The following UTP25 variants were observed in gnomAD, a reference collection of about 807,000 sequenced individuals.
UTP25 encodes UTP25 small subunit processome component, also known as U3 small nucleolar RNA-associated protein 25 homolog.
A neutral mutation model predicts 78.9 loss-of-function variants in UTP25; 50 were observed. That is an observed-to-expected ratio of 0.63 (90% CI 0.50 to 0.80). The LOEUF is 0.80. Among genes scored for constraint, UTP25 ranks in the 30% least tolerant of loss-of-function variants. UTP25 has a pLI of 0.00. For missense variants in UTP25, 846 were observed against 911.3 expected (o/e 0.93, Z 0.92); for synonymous variants, 329 against 336.5 (o/e 0.98, Z 0.24).
Position 209,842,131 on chromosome 1 carries a change from T to C in UTP25, c.1486-134T>C. 6.5e-6 allele frequency: 6 copies of C among 924,590 alleles called. No homozygotes were observed. In the South Asian group the frequency reaches 6.6e-5, roughly 10 times the overall value. 57.3% of individuals were successfully genotyped at this position (924,590 alleles called of 1,614,324 possible). A position where few individuals can be genotyped will look rare whatever the true frequency, so the allele number is the denominator to read the frequency against. Reference sequence around the variant, plus strand: ...TGACCATGGGCAAGTCACTCACCCATGTGAGCCTCAGTTTTCTTGTTATAA... The same window carrying C: ...TGACCATGGGCAAGTCACTCACCCACGTGAGCCTCAGTTTTCTTGTTATAA... On this transcript the variant is annotated intron_variant, in intron 8 of 11. Transcript: ENST00000491415.
intron 11 of UTP25, chr1:209,844,036 GT>G (rs1000564380): frequency 2.6e-5 from 6 of 232,076 alleles, no homozygotes; most frequent in Non-Finnish European, 8.5e-6. Flanking sequence ...ATTCACTTGA[GT>G]TGTCCCTGTC....
intron 8 of UTP25, among the ~76,000 whole-genome samples, chr1:209,841,641 T>C (rs143739630): frequency 6.6e-5 from 10 of 152,322 alleles, no homozygotes; most frequent in African/African-American, 2.4e-4. Flanking sequence ...TTAGGAACTA[T>C]AGGTTTATTT....
chr1:209,828,611 C>T (rs2078084212), intron 1 of UTP25, among the ~76,000 whole-genome samples: 2 of 149,980 alleles, frequency 1.3e-5, no homozygotes, highest in African/African-American at 2.5e-5. Context: ...ACCATGTTGG[C>T]CAGGCTGGTC....
At chr1:209,829,593 C>T (rs900064179) in intron 1 of UTP25, among the ~76,000 whole-genome samples, 22 of 151,946 alleles carry the variant, frequency 1.4e-4, no homozygotes, top group Non-Finnish European at 2.8e-4. Flanking sequence ...AAGCGGTCCT[C>T]CTGCCTCAGC....
chr1:209,835,055 A>G lies in UTP25; in HGVS notation c.563-20A>G, dbSNP rs1197536970. 5 of 1,605,314 alleles carry G rather than the reference A, an allele frequency of 3.1e-6. No individual in the cohort carries two copies. Among genetic ancestry groups the G allele is most frequent in the African/African-American group, 1.3e-5 (1 of 74,718 alleles). On this transcript the variant is annotated intron_variant, in intron 4 of 11. Coordinates refer to ENST00000491415, the MANE Select transcript of UTP25 (RefSeq NM_014388.7). ...CTCTGTAGTTGCATAGTGTGCTGAC[A>G]TTTTTTATTTCTGAATTAGATCCAT...
rs1358603679 is a variant in UTP25 at position 209,852,645 on chromosome 1, A to G, written c.*1198A>G. 6 of 152,126 alleles carry G rather than the reference A, an allele frequency of 3.9e-5. No homozygotes were observed. The highest frequency in any genetic ancestry group is 5.9e-5 in the Non-Finnish European group (4 of 68,024). The allele number at this position is 152,126 out of a possible 1,614,324, so 9.4% of individuals were successfully genotyped here. On this transcript the variant is annotated 3_prime_UTR_variant, in exon 12 of 12. Coordinates refer to ENST00000491415, the MANE Select transcript of UTP25 (RefSeq NM_014388.7). ...TTGGGCACTGCTGTATTTTTTGACA[A>G]TGAGACATTCCAGGTTTCTCTACTC... is the stretch of plus-strand genomic sequence containing the variant.
rs564162182 is a variant in UTP25, at chr1:209,842,562, G to A, written c.1669-21G>A. On this transcript the variant is annotated intron_variant, in intron 9 of 11. Coordinates refer to ENST00000491415, the MANE Select transcript of UTP25 (RefSeq NM_014388.7). ...AGAAGGGGATGGCTGTCCACCTAAC[G>A]CTCTTGTTGACTACTGGCAGGTGGC... is the stretch of plus-strand genomic sequence containing the variant. 6.8e-6 allele frequency: 11 copies of A among 1,612,612 alleles called. No individual in the cohort carries two copies. In the East Asian group the frequency reaches 1.8e-4, roughly 26 times the overall value.
chr1:209,848,696 C>G (rs988826301), intron 11 of UTP25, among the ~76,000 whole-genome samples: 1 of 152,160 alleles, frequency 6.6e-6, no homozygotes, highest in Non-Finnish European at 1.5e-5. Context: ...AATTTATGCT[C>G]CATTCACCTA....
Position 209,851,227 on chromosome 1 carries a change from A to G in UTP25, c.2051A>G (p.Asn684Ser), listed in dbSNP as rs2078235791. The G allele has an allele frequency of 6.2e-7, 1 of 1,613,484 alleles. No homozygotes were observed. Among genetic ancestry groups the G allele is most frequent in the Admixed American group, 1.7e-5 (1 of 59,882 alleles). Residue 684 changes from asparagine to serine, a missense_variant, in exon 12 of 12, where the codon AAC (asparagine) becomes AGC (serine). Coordinates refer to ENST00000491415, the MANE Select transcript of UTP25 (RefSeq NM_014388.7). The stretch of plus-strand genomic sequence containing the variant: ...AGGTATACAATAAAAGGCATCAGGA[A>G]CCTGATTTTCTATGAACTGCCGACA... Reference protein sequence around the residue: ...YKRYTIKGIRNLIFYELPTYP... With the variant: ...YKRYTIKGIRSLIFYELPTYP...
At chr1:209,838,538 C>G (rs2078147554) in intron 6 of UTP25, among the ~76,000 whole-genome samples, 1 of 152,186 alleles carries the variant, frequency 6.6e-6, no homozygotes. Context: ...AAATATTGCA[C>G]TAATTCTGTG....
At chr1:209,835,250 T>G (rs942622929) in intron 5 of UTP25, 87 bp downstream of exon 5, 1 of 1,127,062 alleles carries the variant, frequency 8.9e-7, no homozygotes, top group African/African-American at 1.5e-5. Flanking sequence ...TCCCAGAATG[T>G]ATGATATACA....
Position 209,828,164 on chromosome 1 carries a change from A to G in UTP25, c.101A>G (p.Tyr34Cys), listed in dbSNP as rs1459039775. ...GATTTCGGCGAGGAGCATCCCTTCT[A>G]TGACAGGTCTGAAGGGGCGTGGCAG... ...LRDFGEEHPF[Y>C]DRVSRKEAKP... The change falls in exon 1 of 12, where the codon TAT becomes TGT. Residue 34 changes from tyrosine to cysteine, a missense_variant. Physicochemically the swap from Tyr to Cys is radical, Grantham distance 194. Coordinates refer to ENST00000491415, the MANE Select transcript of UTP25 (RefSeq NM_014388.7). 5 of 1,613,142 alleles carry G rather than the reference A, an allele frequency of 3.1e-6. No homozygotes were observed. The highest frequency in any genetic ancestry group is 2.2e-5 in the East Asian group (1 of 44,856).
At position 209,828,075 on chromosome 1, in the gene UTP25, C is replaced by T; in HGVS notation, c.12C>T (p.Arg4=). 1 of 1,614,086 alleles carries T rather than the reference C, an allele frequency of 6.2e-7. No individual in the cohort carries two copies. The highest frequency in any genetic ancestry group is 8.5e-7 in the Non-Finnish European group (1 of 1,179,960). The change falls in exon 1 of 12, where the codon CGC becomes CGT. Residue 4 remains arginine (R), a synonymous_variant. Transcript: ENST00000491415. MGK[R]GSRSQSQLLN... ...TTGACGTTTTCGCTATGGGCAAACG[C>T]GGGAGCCGGAGCCAGAGCCAGCTAC... is the stretch of plus-strand genomic sequence containing the variant.
chr1:209,842,294 C>G lies in UTP25; in HGVS notation c.1515C>G (p.Pro505=), dbSNP rs749258166. The change falls in exon 9 of 12, where the codon CCC becomes CCG. Residue 505 remains proline (P), a synonymous_variant. Transcript: ENST00000491415. ...TGATGAATCACATGAACCTACTACC[C>G]CTGGACTCACATGGGGTAGACTTTT... ...LHLMNHMNLL[P]LDSHGVDFSR... is the part of the protein sequence containing the mutation. 1 of 1,613,886 alleles carries G rather than the reference C, an allele frequency of 6.2e-7. No homozygotes were observed. Among genetic ancestry groups the G allele is most frequent in the South Asian group, 1.1e-5 (1 of 91,068 alleles).
In UTP25 at chr1:209,836,886, C is replaced by A; in HGVS notation, c.737C>A (p.Ser246Ter). Residue 246 changes from serine (S) to a stop codon, truncating the protein, a stop_gained, in exon 6 of 12, where the codon TCA (serine) becomes TAA (stop). Transcript: ENST00000491415. LOFTEE classifies it high-confidence loss of function. ...CCCCCAAAGGATATTGACTTAAAGT[C>A]ACTTCATCTCCAGAAGCCTCTGGAA... The part of the protein sequence containing the change: ...FKPPKDIDLK[S>*]LHLQKPLEST... 1.2e-6 allele frequency: 2 copies of A among 1,614,044 alleles called. No individual in the cohort carries two copies. Among genetic ancestry groups the A allele is most frequent in the Non-Finnish European group, 1.7e-6 (2 of 1,179,978 alleles).
intron 4 of UTP25, among the ~76,000 whole-genome samples, chr1:209,834,483 A>G (rs1344735415): frequency 6.6e-6 from 1 of 152,210 alleles, no homozygotes; most frequent in Non-Finnish European, 1.5e-5. Flanking sequence ...GATCAATCAG[A>G]CATGGAACCT....
At chr1:209,847,074 TTTTTG>T (rs1263362144) in intron 11 of UTP25, among the ~76,000 whole-genome samples, 2 of 152,334 alleles carry the variant, frequency 1.3e-5, no homozygotes, top group African/African-American at 2.4e-5. Flanking sequence ...TTAGGATCTT[TTTTTG>T]TTTTAAGGAT....
chr1:209,845,128 C>T (rs7511996), intron 11 of UTP25, among the ~76,000 whole-genome samples: 5 of 152,148 alleles, frequency 3.3e-5, no homozygotes, highest in Admixed American at 1.3e-4. Context: ...GGGAGGGAGG[C>T]GTCCCAGCAG....
Position 209,851,240 on chromosome 1 carries a change from T to C in UTP25, c.2064T>C (p.Tyr688=), listed in dbSNP as rs1364556249. ...AAGGCATCAGGAACCTGATTTTCTA[T>C]GAACTGCCGACATATCCACACTTTT... ...TIKGIRNLIF[Y]ELPTYPHFYS... Residue 688 remains tyrosine (Y), a synonymous_variant, in exon 12 of 12, where the codon TAT becomes TAC. Transcript: ENST00000491415. The C allele has an allele frequency of 1.9e-6, 3 of 1,613,884 alleles. No homozygotes were observed. The highest frequency in any genetic ancestry group is 2.5e-6 in the Non-Finnish European group (3 of 1,180,002).
Sources: allele counts gnomAD v4.1 joint callset (sites outside exome capture counted in the v4.1 genomes callset), GRCh38; gene constraint gnomAD v4.1.1; transcripts MANE v1.5; gene names NCBI Gene and HGNC (gene_info 2026-07-23, HGNC 2026-07-21).